Variants in PC observed in about 807,000 individuals in gnomAD.
PC encodes pyruvate carboxylase, mitochondrial.
Under a neutral mutation model 107.8 loss-of-function variants are expected in PC, and 46 were observed. The observed-to-expected ratio is 0.43, with a 90% confidence interval of 0.34 to 0.55. The LOEUF is 0.55. Ranked by LOEUF, PC falls within the 20% of genes least tolerant of loss-of-function variation. PC has a pLI of 0.04. For synonymous variants in PC, 662 were observed against 684.7 expected, an observed-to-expected ratio of 0.97 and a Z score of 0.52; for missense variants, 1,241 against 1,643.1, an observed-to-expected ratio of 0.76 and a Z score of 4.23.
intron 10 of PC, among the ~76,000 whole-genome samples, chr11:66,867,348 T>C (rs1021646418): frequency 1.3e-5 from 2 of 152,292 alleles, no homozygotes; most frequent in Admixed American, 1.3e-4. Flanking sequence ...ATTGCACCAC[T>C]GCACTCCAGC....
At chr11:66,914,249 C>T (rs758007879) in intron 3 of PC, among the ~76,000 whole-genome samples, 7 of 152,144 alleles carry the variant, frequency 4.6e-5, no homozygotes, top group African/African-American at 9.7e-5. Context: ...CGGTGGCTAA[C>T]GCCTGTAATC....
intron 3 of PC, among the ~76,000 whole-genome samples, chr11:66,941,860 T>C (rs556791001): frequency 1.3e-5 from 2 of 152,002 alleles, no homozygotes; most frequent in South Asian, 2.1e-4. Flanking sequence ...CACAACACTT[T>C]GGGAGGCTGA....
intron 2 of PC, 109 bp from the exon 3 acceptor site, chr11:66,952,577 T>TGTTACCCGGGCTG (rs1949464597): frequency 6.6e-6 from 1 of 152,260 alleles, no homozygotes; most frequent in South Asian, 2.1e-4. Flanking sequence ...TTTTCAGTCT[T>TGTTACCCGGGCTG]GTTACCCGGG....
intron 3 of PC, among the ~76,000 whole-genome samples, chr11:66,903,544 A>T (rs533312040): frequency 6.6e-6 from 1 of 150,954 alleles, no homozygotes; most frequent in South Asian, 2.1e-4. Flanking sequence ...GTTCAAAACC[A>T]GCCTGGCCAA....
intron 3 of PC, among the ~76,000 whole-genome samples, chr11:66,945,281 C>A (rs1949255067): frequency 2.6e-5 from 3 of 116,560 alleles, no homozygotes; most frequent in African/African-American, 6.2e-5. Flanking sequence ...AGTCCTTGGT[C>A]AGAGAAAGCC....
chr11:66,949,003 T>C (rs1949374752), intron 3 of PC, among the ~76,000 whole-genome samples: 1 of 151,750 alleles, frequency 6.6e-6, no homozygotes. Context: ...TTATTATTAT[T>C]ATTTTTTTGA....
At position 66,849,276 on chromosome 11, in the gene PC, T is replaced by C. The variant is rs745626388; in HGVS notation, c.3242A>G (p.Asn1081Ser). The C allele has an allele frequency of 2.5e-6, 4 of 1,613,510 alleles. No homozygotes were observed. The highest frequency in any genetic ancestry group is 1.3e-5 in the African/African-American group (1 of 74,946). Residue 1081 changes from asparagine (N) to serine (S), a missense_variant, in exon 22 of 23, where the codon AAT becomes AGT. Asn to Ser is a conservative substitution (Grantham distance 46). Coordinates refer to ENST00000393960, the MANE Select transcript of PC (RefSeq NM_001040716.2). ...GACCAAGATGGACCGCAGCTGCCCA[T>C]TGAGCTCAAAGAAGACCTGCCTCTG... ...AGQRQVFFELNGQLRSILVKD... is the reference protein window; with the variant it reads ...AGQRQVFFELSGQLRSILVKD...
Position 66,857,967 on chromosome 11 carries a change from G to C in PC, c.1369-4584C>G. On this transcript the variant is annotated intron_variant, in intron 12 of 22. Coordinates refer to ENST00000393960, the MANE Select transcript of PC (RefSeq NM_001040716.2). The surrounding 1 kb of genome is among the most constrained non-coding windows in gnomAD (Gnocchi z 7.1). Reference sequence around the variant, plus strand: ...TGACTTCCGCAACATGACGGGACTGGTGGACCTGACACTGTCTCGCAATGC... The same window carrying C: ...TGACTTCCGCAACATGACGGGACTGCTGGACCTGACACTGTCTCGCAATGC... 6.2e-7 allele frequency: 1 copy of C among 1,612,518 alleles called. No individual in the cohort carries two copies. Among genetic ancestry groups the C allele is most frequent in the Non-Finnish European group, 8.5e-7 (1 of 1,179,934 alleles).
chr11:66,861,212 G>A (rs1946238314), intron 12 of PC, among the ~76,000 whole-genome samples: 1 of 152,196 alleles, frequency 6.6e-6, no homozygotes, highest in South Asian at 2.1e-4. Context: ...CCAGGCCCGG[G>A]CAGCCTCCGA....
At chr11:66,860,681 T>C (rs1235756540) in intron 12 of PC, 3 of 701,244 alleles carry the variant, frequency 4.3e-6, no homozygotes, top group Admixed American at 2.0e-5. Flanking sequence ...TGCAAGAGCA[T>C]GGGCTTGGGC....
At position 66,850,044 on chromosome 11, in the gene PC, C is replaced by T. The variant is rs2135792499; in HGVS notation, c.2791G>A (p.Ala931Thr). The change falls in exon 20 of 23, where the codon GCC (alanine) becomes ACC (threonine). Residue 931 changes from alanine to threonine, a missense_variant. Coordinates refer to ENST00000393960, the MANE Select transcript of PC (RefSeq NM_001040716.2). ...GACAGCTCTTCCGCCTGAGCTTCGG[C>T]CTCTGCCCGGCTCAATCCATTCTGC... ...MVQNGLSRAE[A>T]EAQAEELSFP... 4 of 1,613,724 alleles carry T rather than the reference C, an allele frequency of 2.5e-6. No individual in the cohort carries two copies. Among genetic ancestry groups the T allele is most frequent in the Admixed American group, 1.7e-5 (1 of 60,028 alleles).
At chr11:66,947,371 CAGG>C (rs1397376111) in intron 3 of PC, among the ~76,000 whole-genome samples, 3 of 149,118 alleles carry the variant, frequency 2.0e-5, no homozygotes, top group Non-Finnish European at 3.0e-5. Flanking sequence ...ATCACAAGGT[CAGG>C]AGATCAAGAC....
Position 66,859,626 on chromosome 11 carries a change from C to T in PC, c.1368+4148G>A, listed in dbSNP as rs769367704. 108 of 1,612,618 alleles carry T rather than the reference C, an allele frequency of 6.7e-5. 1 individual carries two copies. In the South Asian group the frequency reaches 1.2e-3, roughly 17 times the overall value. On this transcript the variant is annotated intron_variant, in intron 12 of 22. Transcript: ENST00000393960. The stretch of plus-strand genomic sequence containing the variant: ...CAGCCCCGGGCTCTGACCACCTGCC[C>T]TTGCCTGCAGGATTGTCCCAGCCTC...
At chr11:66,854,768 A>G (rs547687268) in intron 12 of PC, among the ~76,000 whole-genome samples, 1 of 152,280 alleles carries the variant, frequency 6.6e-6, no homozygotes, top group South Asian at 2.1e-4. Flanking sequence ...AGGCCTGGAC[A>G]GGAAGGGTGC....
intron 3 of PC, among the ~76,000 whole-genome samples, chr11:66,897,232 C>A (rs1947792564): frequency 1.3e-5 from 2 of 152,156 alleles, no homozygotes; most frequent in Admixed American, 1.3e-4. Context: ...CCGCGCCCAG[C>A]CTTGACCCTT....
intron 11 of PC, among the ~76,000 whole-genome samples, chr11:66,864,665 C>T (rs949505250): frequency 1.3e-5 from 2 of 152,272 alleles, no homozygotes; most frequent in Admixed American, 6.5e-5. Context: ...AAACCAAGGG[C>T]GAGGAGAGGG....
chr11:66,866,040 C>T lies in PC; in HGVS notation c.1185+147G>A, dbSNP rs1391446676. 2.2e-6 allele frequency: 2 copies of T among 896,936 alleles called. No homozygotes were observed. The highest frequency in any genetic ancestry group is 3.4e-6 in the Non-Finnish European group (2 of 593,032). 55.6% of individuals were successfully genotyped at this position (896,936 alleles called of 1,614,324 possible). A position where few individuals can be genotyped will look rare whatever the true frequency, so the allele number is the denominator to read the frequency against. The stretch of plus-strand genomic sequence containing the variant: ...CGCCCCTCCTCTGGGCACTGCCTGC[C>T]TCCGTGTACTCTATGTCCACTTCAG... On this transcript the variant is annotated intron_variant, in intron 11 of 22. Transcript: ENST00000393960. This position sits in a 1 kb window ranked among gnomAD's most constrained non-coding sequence, Gnocchi z 5.4.
In PC at chr11:66,870,482, T is replaced by G. The variant is rs1175201131; in HGVS notation, c.752-29A>C. 1 of 1,610,080 alleles carries G rather than the reference T, an allele frequency of 6.2e-7. No homozygotes were observed. The highest frequency in any genetic ancestry group is 1.1e-5 in the South Asian group (1 of 91,030). On this transcript the variant is annotated intron_variant, in intron 8 of 22. Coordinates refer to ENST00000393960, the MANE Select transcript of PC (RefSeq NM_001040716.2). The surrounding 1 kb of genome is among the most constrained non-coding windows in gnomAD (Gnocchi z 6.1). ...GGGAGGGAGGTAAACTGGGCTTAGC[T>G]TTTACTGGAATCTACACGCCTCCTA...
In PC at chr11:66,863,826, G is replaced by A; in HGVS notation, c.1316C>T (p.Ala439Val). Residue 439 changes from alanine (A) to valine (V), a missense_variant, in exon 12 of 23, where the codon GCC (alanine) becomes GTC (valine). Physicochemically the swap from Ala to Val is moderately conservative, Grantham distance 64. Around this residue, in one of 2 missense-constraint regions of PC, gnomAD observed 1,143 missense variants for 1,551.9 expected, o/e 0.74. Coordinates refer to ENST00000393960, the MANE Select transcript of PC (RefSeq NM_001040716.2). ...AAGGGCCCTGCTCATCTTGGTGGCG[G>A]CCGTGGGGTGGTCTTTGCCGTGGGC... Reference protein sequence around the residue: ...VIAHGKDHPTAATKMSRALAE... With the variant: ...VIAHGKDHPTVATKMSRALAE... The A allele has an allele frequency of 6.2e-7, 1 of 1,613,780 alleles. No homozygotes were observed. Among genetic ancestry groups the A allele is most frequent in the Non-Finnish European group, 8.5e-7 (1 of 1,180,006 alleles).
Sources: gnomAD v4.1 joint callset for allele counts (sites outside exome capture counted in the v4.1 genomes callset) on GRCh38, gnomAD v4.1.1 for gene constraint, gnomAD v4.1.1 regional missense constraint, Gnocchi (gnomAD v3.1) non-coding constraint, MANE v1.5 for transcripts, NCBI Gene and HGNC (gene_info 2026-07-23, HGNC 2026-07-21) for gene names.